NPSR1: variants seen among roughly 807,000 people sequenced by gnomAD.
NPSR1 encodes neuropeptide S receptor 1, also known as neuropeptide S receptor.
Under a neutral mutation model 46.9 loss-of-function variants are expected in NPSR1, and 48 were observed. The observed-to-expected ratio is 1.02, with a 90% CI of 0.81 to 1.30. The LOEUF (loss-of-function observed/expected upper bound fraction) is 1.30, where lower values mean the gene tolerates loss of function less well. Among genes scored for constraint, NPSR1 ranks in the 50% most tolerant of loss-of-function variants. The probability of loss-of-function intolerance (pLI) is 0.00; values close to 1 mark genes in which losing one functional copy is unlikely to be tolerated. For missense variants in NPSR1, 450 were observed against 449.5 expected, an observed-to-expected ratio of 1.00 and a Z score of -0.01; for synonymous variants, 176 against 168.1, an observed-to-expected ratio of 1.05 and a Z score of -0.36.
intron 2 of NPSR1, among the ~76,000 whole-genome samples, chr7:34,737,257 G>C (rs1036611938): frequency 6.6e-6 from 1 of 151,998 alleles, no homozygotes; most frequent in South Asian, 2.1e-4. Flanking sequence ...CTAGATCTTC[G>C]CTCCAAAAAT....
At chr7:34,875,638 G>A (rs1791556672) in intron 8 of NPSR1, among the ~76,000 whole-genome samples, 1 of 152,194 alleles carries the variant, frequency 6.6e-6, no homozygotes, top group Admixed American at 6.5e-5. Flanking sequence ...CTCCAGCTGT[G>A]CGGAGTCATG....
At chr7:34,676,116 C>T (rs1309898422) in intron 1 of NPSR1, among the ~76,000 whole-genome samples, 1 of 152,104 alleles carries the variant, frequency 6.6e-6, no homozygotes, top group Non-Finnish European at 1.5e-5. Flanking sequence ...TCAAGCATCA[C>T]TCTGAAAAGG....
intron 2 of NPSR1, among the ~76,000 whole-genome samples, chr7:34,693,344 C>A (rs887379042): frequency 2.0e-5 from 3 of 151,574 alleles, no homozygotes; most frequent in Admixed American, 6.6e-5. Context: ...AAAAAAAAAT[C>A]ATCAGAGATG....
intron 8 of NPSR1, among the ~76,000 whole-genome samples, chr7:34,872,199 C>A (rs2128770449): frequency 6.6e-6 from 1 of 152,114 alleles, no homozygotes; most frequent in African/African-American, 2.4e-5. Flanking sequence ...CTTGCACCCT[C>A]TAGAGCTGCA....
intron 3 of NPSR1, among the ~76,000 whole-genome samples, chr7:34,790,118 C>T (rs1787660807): frequency 6.6e-6 from 1 of 151,944 alleles, no homozygotes; most frequent in African/African-American, 2.4e-5. Flanking sequence ...TTTAAAAATC[C>T]TCAACAAAAT....
intron 8 of NPSR1, among the ~76,000 whole-genome samples, chr7:34,870,246 A>G (rs1467246883): frequency 1.3e-5 from 2 of 151,768 alleles, no homozygotes; most frequent in Non-Finnish European, 2.9e-5. Flanking sequence ...ACTGTACTGT[A>G]AATTTCTTGG....
At chr7:34,698,258 C>T (rs1793634189) in intron 2 of NPSR1, among the ~76,000 whole-genome samples, 2 of 152,088 alleles carry the variant, frequency 1.3e-5, no homozygotes, top group Admixed American at 1.3e-4. Context: ...GGGCGTGTTC[C>T]TCTTGTAATA....
Position 34,751,415 on chromosome 7 carries a change from C to A in NPSR1, c.281-27047C>A, listed in dbSNP as rs1359416641. The stretch of plus-strand genomic sequence containing the variant: ...TTGTAGACTTTAAGCAAGAGTGGAA[C>A]AAAGGCAGCCAGTGTCTGTTTGCCA... On this transcript the variant is annotated intron_variant, in intron 2 of 8. Transcript: ENST00000360581. 20 of 1,040,886 alleles carry A rather than the reference C, an allele frequency of 1.9e-5. No individual in the cohort carries two copies. The East Asian group carries it at 4.7e-4, about 25-fold the overall frequency. The allele number at this position is 1,040,886 out of a possible 1,614,324, so 64.5% of individuals were successfully genotyped here.
In NPSR1 at chr7:34,761,761, A is replaced by T. The variant is rs890711730; in HGVS notation, c.281-16701A>T. ...AAAATAGCATCCTTTAAAAGAGAAA[A>T]CAAGTTGTCTATGTCTTATATTCAG... On this transcript the variant is annotated intron_variant, in intron 2 of 8. Coordinates refer to ENST00000360581, the MANE Select transcript of NPSR1 (RefSeq NM_207172.2). Among the ~76,000 whole-genome samples the T allele has an allele frequency of 2.0e-5, 3 of 152,180 alleles. No homozygotes were observed. The East Asian group carries it at 5.8e-4, about 29-fold the overall frequency.
chr7:34,731,194 C>T (rs555681905), intron 2 of NPSR1, among the ~76,000 whole-genome samples: 1 of 151,980 alleles, frequency 6.6e-6, no homozygotes, highest in South Asian at 2.1e-4. Context: ...CATAGCTGAT[C>T]AAGAGTTAAT....
chr7:34,728,027 TG>T (rs1784247278), intron 2 of NPSR1, among the ~76,000 whole-genome samples: 2 of 151,528 alleles, frequency 1.3e-5, no homozygotes, highest in Admixed American at 1.3e-4. Flanking sequence ...AACCACCATC[TG>T]GGAAGAAAAA....
At chr7:34,818,992 T>A (rs1422285973) in intron 4 of NPSR1, among the ~76,000 whole-genome samples, 2 of 152,082 alleles carry the variant, frequency 1.3e-5, no homozygotes, top group Non-Finnish European at 2.9e-5. Context: ...GCAATACCAT[T>A]CAGGACATAG....
intron 2 of NPSR1, among the ~76,000 whole-genome samples, chr7:34,725,390 A>G (rs1784093010): frequency 6.6e-6 from 1 of 152,212 alleles, no homozygotes; most frequent in Non-Finnish European, 1.5e-5. Flanking sequence ...AGATCACGCT[A>G]TCTTGACAGC....
At chr7:34,811,318 G>A (rs1788975509) in intron 3 of NPSR1, among the ~76,000 whole-genome samples, 1 of 151,976 alleles carries the variant, frequency 6.6e-6, no homozygotes, top group South Asian at 2.1e-4. Flanking sequence ...GGCTGTCCAG[G>A]GCCATTCTCC....
intron 2 of NPSR1, among the ~76,000 whole-genome samples, chr7:34,704,728 T>A (rs1046630778): frequency 6.6e-6 from 1 of 152,208 alleles, no homozygotes; most frequent in Non-Finnish European, 1.5e-5. Flanking sequence ...GTCTCAGCTA[T>A]GCCCTGATTG....
chr7:34,878,173 C>G, exon 9 of NPSR1: 1 of 1,591,776 alleles, frequency 6.3e-7, no homozygotes, highest in Non-Finnish European at 8.6e-7. Flanking sequence ...TTCCTGGGCT[C>G]TTCCAAGGTG....
intron 6 of NPSR1, among the ~76,000 whole-genome samples, chr7:34,836,679 AGAGG>A (rs1229441964): frequency 1.3e-5 from 2 of 148,774 alleles, no homozygotes; most frequent in East Asian, 4.1e-4. Context: ...AGAAAGAGAG[AGAGG>A]GAGGGAGGGA....
At chr7:34,719,200 T>A (rs1361024137) in intron 2 of NPSR1, 1 of 152,274 alleles carries the variant, frequency 6.6e-6, no homozygotes, top group Non-Finnish European at 1.5e-5. Context: ...GTAGGAGGAT[T>A]AATAGAATGT....
At chr7:34,744,466 G>A (rs1193024917) in intron 2 of NPSR1, among the ~76,000 whole-genome samples, 1 of 152,170 alleles carries the variant, frequency 6.6e-6, no homozygotes, top group Non-Finnish European at 1.5e-5. Context: ...GAGGAAATGG[G>A]AAGGACCCCA....
Sources: gnomAD v4.1 joint callset for allele counts (sites outside exome capture counted in the v4.1 genomes callset) on GRCh38, gnomAD v4.1.1 for gene constraint, MANE v1.5 for transcripts, NCBI Gene and HGNC (gene_info 2026-07-23, HGNC 2026-07-21) for gene names.